GPC5: variants seen among roughly 807,000 people sequenced by gnomAD.
GPC5 encodes the protein glypican 5.
GPC5 carries 47 observed loss-of-function variants against 53.9 expected under a neutral mutation model. The observed-to-expected ratio is 0.87, with a 90% CI of 0.69 to 1.11. GPC5 has a LOEUF of 1.11. Ranked by LOEUF, GPC5 falls within the 50% of genes most tolerant of loss-of-function variation. The probability of loss-of-function intolerance (pLI) is 0.00; values close to 1 mark genes in which losing one functional copy is unlikely to be tolerated. For missense variants in GPC5, 748 were observed against 713.1 expected (o/e 1.05, Z -0.56); for synonymous variants, 286 against 263.3 (o/e 1.09, Z -0.84).
chr13:92,159,822 T>G (rs371045427), intron 7 of GPC5, among the ~76,000 whole-genome samples: 4 of 151,850 alleles, frequency 2.6e-5, no homozygotes, highest in Admixed American at 2.0e-4. Flanking sequence ...CAGGATAGTC[T>G]CGATCTCCTG....
At chr13:91,731,587 A>G (rs1400101036) in intron 4 of GPC5, among the ~76,000 whole-genome samples, 1 of 151,914 alleles carries the variant, frequency 6.6e-6, no homozygotes, top group African/African-American at 2.4e-5. Context: ...AAATGGGTGT[A>G]TGTGTGCCAT....
At chr13:92,008,824 T>C (rs995075766) in intron 6 of GPC5, among the ~76,000 whole-genome samples, 5 of 152,188 alleles carry the variant, frequency 3.3e-5, no homozygotes, top group Non-Finnish European at 5.9e-5. Context: ...TTTAATATTG[T>C]CTCATAGGTT....
At chr13:92,666,355 TTAAGAAACTGGAG>T (rs1342416628) in intron 7 of GPC5, among the ~76,000 whole-genome samples, 1 of 152,144 alleles carries the variant, frequency 6.6e-6, no homozygotes, top group Non-Finnish European at 1.5e-5. Context: ...GATTGCTAAG[TTAAGAAACTGGAG>T]TAAATAAAAT....
chr13:92,177,768 A>C (rs1188191404), intron 7 of GPC5, among the ~76,000 whole-genome samples: 1 of 152,174 alleles, frequency 6.6e-6, no homozygotes, highest in African/African-American at 2.4e-5. Context: ...AAACATTCCT[A>C]CCTTGAGAAG....
At chr13:92,164,295 C>G (rs2042011627) in intron 7 of GPC5, among the ~76,000 whole-genome samples, 2 of 152,176 alleles carry the variant, frequency 1.3e-5, no homozygotes, top group Non-Finnish European at 2.9e-5. Context: ...CAAGACAAGT[C>G]CCTTCTACCT....
intron 7 of GPC5, among the ~76,000 whole-genome samples, chr13:92,511,662 G>C (rs1361277495): frequency 1.3e-5 from 2 of 152,130 alleles, no homozygotes; most frequent in Non-Finnish European, 2.9e-5. Context: ...GTTCTTTGTA[G>C]GTTTTTCCCT....
intron 2 of GPC5, chr13:91,486,390 A>G (rs1334838584): frequency 6.6e-6 from 1 of 152,184 alleles, no homozygotes; most frequent in Non-Finnish European, 1.5e-5. Context: ...TCCTTCATAT[A>G]TTTGAGTACA....
At chr13:92,658,014 T>G (rs1886199477) in intron 7 of GPC5, among the ~76,000 whole-genome samples, 1 of 152,192 alleles carries the variant, frequency 6.6e-6, no homozygotes, top group Admixed American at 6.5e-5. Flanking sequence ...CTATTATCAT[T>G]TATAATATCA....
intron 7 of GPC5, among the ~76,000 whole-genome samples, chr13:92,252,990 G>A (rs934071721): frequency 6.6e-6 from 1 of 152,076 alleles, no homozygotes; most frequent in Non-Finnish European, 1.5e-5. Flanking sequence ...AATGTGTCGA[G>A]GAGAATGGCA....
chr13:92,469,090 G>T (rs1055926605), intron 7 of GPC5, among the ~76,000 whole-genome samples: 1 of 152,056 alleles, frequency 6.6e-6, no homozygotes, highest in Admixed American at 6.6e-5. Context: ...GCATAGGACA[G>T]GTCAAGATAC....
intron 6 of GPC5, among the ~76,000 whole-genome samples, chr13:92,019,370 A>G (rs973039456): frequency 6.6e-6 from 1 of 152,104 alleles, no homozygotes; most frequent in Non-Finnish European, 1.5e-5. Context: ...TATGTACGTG[A>G]TTGTAACAGA....
Position 92,491,974 on chromosome 13 carries a change from GT to G in GPC5, c.1561+346993del, listed in dbSNP as rs372892282. Among the ~76,000 whole-genome samples the G allele has an allele frequency of 2.5e-4, 38 of 151,874 alleles. No homozygotes were observed. The East Asian group carries it at 6.0e-3, about 24-fold the overall frequency. On this transcript the variant is annotated intron_variant, in intron 7 of 7. Coordinates refer to ENST00000377067, the MANE Select transcript of GPC5 (RefSeq NM_004466.6). ...GAATCATTCTTTCTTCAGCTTCACAGTTTTTTTTATCTTTTCAGTCTAGAGT... is the reference window on the plus strand; with the variant it reads ...GAATCATTCTTTCTTCAGCTTCACAGTTTTTTTATCTTTTCAGTCTAGAGT...
At chr13:92,266,228 C>G (rs907458966) in intron 7 of GPC5, among the ~76,000 whole-genome samples, 1 of 151,954 alleles carries the variant, frequency 6.6e-6, no homozygotes, top group Non-Finnish European at 1.5e-5. Context: ...TGTTTTTAGC[C>G]GTTTGATTCT....
At chr13:92,232,914 A>G (rs950406418) in intron 7 of GPC5, among the ~76,000 whole-genome samples, 1 of 152,210 alleles carries the variant, frequency 6.6e-6, no homozygotes, top group Non-Finnish European at 1.5e-5. Flanking sequence ...TTTCAAGAGA[A>G]TCTTCAACTT....
intron 3 of GPC5, among the ~76,000 whole-genome samples, chr13:91,707,370 C>G (rs1186642396): frequency 6.6e-6 from 1 of 152,142 alleles, no homozygotes; most frequent in African/African-American, 2.4e-5. Flanking sequence ...AGCCTGTAAT[C>G]CCAGTGCTTT....
intron 3 of GPC5, among the ~76,000 whole-genome samples, chr13:91,713,995 C>T (rs543025436): frequency 6.6e-6 from 1 of 152,240 alleles, no homozygotes; most frequent in South Asian, 2.1e-4. Context: ...ACCAGAATAA[C>T]CATTGAATCT....
At chr13:91,575,312 T>C (rs2032092380) in intron 2 of GPC5, among the ~76,000 whole-genome samples, 1 of 152,192 alleles carries the variant, frequency 6.6e-6, no homozygotes, top group Admixed American at 6.6e-5. Context: ...AAAATTGCAT[T>C]TATTGAAATA....
intron 7 of GPC5, among the ~76,000 whole-genome samples, chr13:92,491,928 T>A (rs1879778059): frequency 1.3e-5 from 2 of 152,310 alleles, no homozygotes; most frequent in Admixed American, 1.3e-4. Context: ...TTGAAATATA[T>A]CCTTAGCCTT....
At chr13:91,528,480 G>A (rs1886188635) in intron 2 of GPC5, among the ~76,000 whole-genome samples, 1 of 152,140 alleles carries the variant, frequency 6.6e-6, no homozygotes, top group Non-Finnish European at 1.5e-5. Context: ...CATTGTCCAT[G>A]TCGTTATCAG....
Sources: allele counts gnomAD v4.1 joint callset (sites outside exome capture counted in the v4.1 genomes callset), GRCh38; gene constraint gnomAD v4.1.1; transcripts MANE v1.5; gene names NCBI Gene and HGNC (gene_info 2026-07-23, HGNC 2026-07-21).